ELFN1: variants seen among roughly 807,000 people sequenced by gnomAD.
ELFN1 encodes protein ELFN1.
A neutral mutation model predicts 7.6 loss-of-function variants in ELFN1; 6 were observed. That is an observed-to-expected ratio of 0.79 (90% CI 0.43 to 1.56). The LOEUF (loss-of-function observed/expected upper bound fraction) is 1.56, where lower values mean the gene tolerates loss of function less well. ELFN1 is among the 40% of genes most tolerant of loss of function. ELFN1 has a pLI of 0.01. For synonymous variants in ELFN1, 657 were observed against 588.1 expected (o/e 1.12, Z -1.70); for missense variants, 1,169 against 1,232.2 (o/e 0.95, Z 0.77).
chr7:1,742,284 C>T (rs1780645638), intron 3 of ELFN1: 1 of 152,304 alleles, frequency 6.6e-6, no homozygotes, highest in African/African-American at 2.4e-5. Flanking sequence ...TTCCTACACG[C>T]TTCCTGTGCG....
intron 2 of ELFN1, among the ~76,000 whole-genome samples, chr7:1,700,798 G>A (rs554345804): frequency 9.8e-4 from 150 of 152,334 alleles, no homozygotes; most frequent in Non-Finnish European, 1.6e-3. Context: ...AAGCCTCGCC[G>A]GTCTGGCGGG....
In ELFN1 at chr7:1,747,153, A is replaced by T; in HGVS notation, c.*70A>T. On this transcript the variant is annotated 3_prime_UTR_variant, in exon 4 of 4. Transcript: ENST00000424383. ...GATCCACCCAGAGACTCAGCACCAA[A>T]CCCAACACACGCACGCCACCACAGC... The T allele has an allele frequency of 7.2e-7, 1 of 1,389,862 alleles. No homozygotes were observed. The highest frequency in any genetic ancestry group is 9.4e-7 in the Non-Finnish European group (1 of 1,063,270). 86.1% of individuals were successfully genotyped at this position (1,389,862 alleles called of 1,614,324 possible).
rs1779507711 is a variant in ELFN1, at chr7:1,705,244, T to C, written c.-455-3847T>C. On this transcript the variant is annotated intron_variant, in intron 2 of 3. Coordinates refer to ENST00000424383, the MANE Select transcript of ELFN1 (RefSeq NM_001128636.4). This position sits in a 1 kb window ranked among gnomAD's most constrained non-coding sequence, Gnocchi z 4.3. ...ACAGCTGTGCGGGAGGCTGGGCTGC[T>C]GGCATCAGCAGGCGCCCCTCCTCCC... 6.6e-6 allele frequency among the ~76,000 whole-genome samples: 1 copy of C among 152,214 alleles called. No individual in the cohort carries two copies. The highest frequency in any genetic ancestry group is 1.5e-5 in the Non-Finnish European group (1 of 68,028).
intron 1 of ELFN1, among the ~76,000 whole-genome samples, chr7:1,674,860 C>CCCGGG (rs1778836688): frequency 6.6e-6 from 1 of 152,148 alleles, no homozygotes; most frequent in East Asian, 1.9e-4. Flanking sequence ...CATCCTTCGG[C>CCCGGG]CCGGGCCAGC....
intron 2 of ELFN1, among the ~76,000 whole-genome samples, chr7:1,703,575 A>C (rs978008116): frequency 6.6e-6 from 1 of 152,032 alleles, no homozygotes; most frequent in African/African-American, 2.4e-5. Flanking sequence ...GTGAGGAGTT[A>C]ATTGCCGCTT....
At position 1,746,798 on chromosome 7, in the gene ELFN1, G is replaced by A. The variant is rs1233994141; in HGVS notation, c.2202G>A (p.Ala734=). The change falls in exon 4 of 4, where the codon GCG becomes GCA. Residue 734 remains alanine, a synonymous_variant. Transcript: ENST00000424383. ...CGCACGAGGGCCTGGGGCGCAAGGC[G>A]TCCATCCTGGAGCCACTCACCCGGC... ...PPPHEGLGRK[A]SILEPLTRPR... The A allele has an allele frequency of 6.5e-6, 10 of 1,530,516 alleles. No homozygotes were observed. Among genetic ancestry groups the A allele is most frequent in the Admixed American group, 2.0e-5 (1 of 49,248 alleles). The allele number at this position is 1,530,516 out of a possible 1,614,324, so 94.8% of individuals were successfully genotyped here.
At position 1,745,645 on chromosome 7, in the gene ELFN1, A is replaced by G. The variant is rs1780758452; in HGVS notation, c.1049A>G (p.Asn350Ser). Reference sequence around the variant, plus strand: ...ATGTACACCCTGGAGCATTTCAACAACAGCAAGGCCTCCACCGTGTCCAGG... The same window carrying G: ...ATGTACACCCTGGAGCATTTCAACAGCAGCAAGGCCTCCACCGTGTCCAGG... Reference protein sequence around the residue: ...HRMYTLEHFNNSKASTVSRLT... With the variant: ...HRMYTLEHFNSSKASTVSRLT... The change falls in exon 4 of 4, where the codon AAC (asparagine) becomes AGC (serine). Residue 350 changes from asparagine to serine, a missense_variant. By Grantham distance (46) the Asn-to-Ser change is conservative. This residue lies in a region of ELFN1 where 914 missense variants were observed against 872.6 expected (regional missense o/e 1.05). Transcript: ENST00000424383. 2 of 1,551,138 alleles carry G rather than the reference A, an allele frequency of 1.3e-6. No individual in the cohort carries two copies. Among genetic ancestry groups the G allele is most frequent in the Admixed American group, 2.0e-5 (1 of 50,994 alleles).
At position 1,735,017 on chromosome 7, in the gene ELFN1, G is replaced by A. The variant is rs973952632; in HGVS notation, c.-293-9287G>A. ...CTCCGGGAATCTGCATTTTTAAGTA[G>A]CAGTGGAGTGCTGTTGCCGCCTTCC... On this transcript the variant is annotated intron_variant, in intron 3 of 3. Coordinates refer to ENST00000424383, the MANE Select transcript of ELFN1 (RefSeq NM_001128636.4). This position sits in a 1 kb window ranked among gnomAD's most constrained non-coding sequence, Gnocchi z 5.9. Among the ~76,000 whole-genome samples the A allele has an allele frequency of 2.0e-5, 3 of 152,172 alleles. No homozygotes were observed. The highest frequency in any genetic ancestry group is 7.2e-5 in the African/African-American group (3 of 41,426).
intron 2 of ELFN1, among the ~76,000 whole-genome samples, chr7:1,708,428 A>G (rs1212063605): frequency 6.6e-6 from 1 of 152,222 alleles, no homozygotes; most frequent in Non-Finnish European, 1.5e-5. Flanking sequence ...GTCACTCAGC[A>G]GACCAGCACA....
intron 1 of ELFN1, among the ~76,000 whole-genome samples, chr7:1,674,161 G>C (rs1251621631): frequency 6.6e-6 from 1 of 151,488 alleles, no homozygotes; most frequent in Non-Finnish European, 1.5e-5. Context: ...CCTGCTCTGG[G>C]CCATGAGGGG....
At chr7:1,669,238 T>A (rs2128571728), upstream of ELFN1, among the ~76,000 whole-genome samples, 1 of 152,260 alleles carries the variant, frequency 6.6e-6, no homozygotes. Context: ...TTGAATTGAG[T>A]CAACTCTTTT....
chr7:1,706,550 G>C (rs1283305495), intron 2 of ELFN1, among the ~76,000 whole-genome samples: 1 of 152,190 alleles, frequency 6.6e-6, no homozygotes, highest in Admixed American at 6.5e-5. Context: ...AAATCTGGGC[G>C]TGCCCCCGGC....
At chr7:1,732,840 C>A (rs975916304) in intron 3 of ELFN1, among the ~76,000 whole-genome samples, 1 of 152,110 alleles carries the variant, frequency 6.6e-6, no homozygotes, top group Non-Finnish European at 1.5e-5. Flanking sequence ...ACAGTGGGGA[C>A]GGCGCTGAAC....
chr7:1,674,948 C>T lies in ELFN1; in HGVS notation c.-549+4594C>T, dbSNP rs368597659. On this transcript the variant is annotated intron_variant, in intron 1 of 3. Transcript: ENST00000424383. ...AATTTTAAAGATAGGGACACTGAGG[C>T]GCAGACAGGGCAGTGGCCGCAAGCC... 8.8e-5 allele frequency among the ~76,000 whole-genome samples: 12 copies of T among 136,252 alleles called. 1 individual carries two copies. The South Asian group carries it at 1.2e-3, about 13-fold the overall frequency. The allele number at this position is 136,252 out of a possible 152,430, so 89.4% of individuals were successfully genotyped here. A position where few individuals can be genotyped will look rare whatever the true frequency, so the allele number is the denominator to read the frequency against.
At chr7:1,734,924 G>C (rs1331267346) in intron 3 of ELFN1, among the ~76,000 whole-genome samples, 1 of 151,934 alleles carries the variant, frequency 6.6e-6, no homozygotes, top group Non-Finnish European at 1.5e-5. Flanking sequence ...CGAACTCCTG[G>C]GCTTAAGCCG....
intron 1 of ELFN1, among the ~76,000 whole-genome samples, chr7:1,671,842 C>A (rs1178857925): frequency 6.6e-6 from 1 of 152,174 alleles, no homozygotes; most frequent in East Asian, 1.9e-4. Context: ...TCCAGGGGGC[C>A]GTGTGTGGGA....
chr7:1,742,586 T>C (rs1780657607), intron 3 of ELFN1, among the ~76,000 whole-genome samples: 1 of 152,208 alleles, frequency 6.6e-6, no homozygotes, highest in Non-Finnish European at 1.5e-5. Context: ...CCGGACCACG[T>C]GGGGACCCCA....
chr7:1,719,356 C>T (rs1046367113), intron 3 of ELFN1, among the ~76,000 whole-genome samples: 5 of 146,018 alleles, frequency 3.4e-5, no homozygotes, highest in Non-Finnish European at 7.5e-5. Context: ...AACAGGGCCC[C>T]GCCCACCAAC....
chr7:1,671,552 T>A (rs1778767533), intron 1 of ELFN1, among the ~76,000 whole-genome samples: 1 of 151,984 alleles, frequency 6.6e-6, no homozygotes, highest in African/African-American at 2.4e-5. Context: ...AAATGGCAAA[T>A]CTCCCCATAT....
Sources: allele counts gnomAD v4.1 joint callset (sites outside exome capture counted in the v4.1 genomes callset), GRCh38; gene constraint gnomAD v4.1.1; regional missense constraint gnomAD v4.1.1; non-coding constraint Gnocchi (gnomAD v3.1); transcripts MANE v1.5; gene names NCBI Gene and HGNC (gene_info 2026-07-23, HGNC 2026-07-21).